Variants in MATK observed in about 807,000 individuals in gnomAD.
The protein encoded by MATK is megakaryocyte-associated tyrosine kinase, also known as megakaryocyte-associated tyrosine-protein kinase.
MATK carries 41 observed loss-of-function variants against 59.8 expected under a neutral mutation model. The observed-to-expected ratio is 0.69, with a 90% CI of 0.53 to 0.89. The LOEUF (loss-of-function observed/expected upper bound fraction) is 0.89, where lower values mean the gene tolerates loss of function less well. Among genes scored for constraint, MATK ranks in the 40% least tolerant of loss-of-function variants. The pLI is 0.00. For synonymous variants in MATK, 308 were observed against 306.1 expected (o/e 1.01, Z -0.06); for missense variants, 593 against 719.6 (o/e 0.82, Z 2.01).
rs150452135 is a variant in MATK, at chr19:3,779,608, T to C, written c.852A>G (p.Gln284=). The C allele has an allele frequency of 7.2e-5, 116 of 1,612,024 alleles. 1 individual carries two copies. In the African/African-American group the frequency reaches 1.3e-3, roughly 18 times the overall value. The part of the protein sequence containing the change: ...LDETAVMTKM[Q]HENLVRLLGV... ...CCAGGAGACGCACCAGGTTCTCGTG[T>C]TGCATCTTCCTGGGGGCGGTGGGGT... is the stretch of plus-strand genomic sequence containing the variant. The change falls in exon 10 of 14, where the codon CAA becomes CAG. Residue 284 remains glutamine, a synonymous_variant. Coordinates refer to ENST00000310132, the MANE Select transcript of MATK (RefSeq NM_139355.3).
At chr19:3,784,549 T>A in intron 3 of MATK, 98 bp from the exon 4 acceptor site, 1 of 811,778 alleles carries the variant, frequency 1.2e-6, no homozygotes, top group Non-Finnish European at 1.9e-6. Flanking sequence ...GAGAAAGGTA[T>A]AGAGATTGGA....
Position 3,778,308 on chromosome 19 carries a change from G to T in MATK, c.1399C>A (p.Arg467Ser). 1.3e-6 allele frequency: 2 copies of T among 1,575,418 alleles called. No homozygotes were observed. The highest frequency in any genetic ancestry group is 1.4e-5 in the African/African-American group (1 of 72,918). The change falls in exon 14 of 14, where the codon CGC becomes AGC. Residue 467 changes from arginine to serine, a missense_variant. Physicochemically the swap from Arg to Ser is moderately radical, Grantham distance 110. Coordinates refer to ENST00000310132, the MANE Select transcript of MATK (RefSeq NM_139355.3). ...GCCAGTTTGCGGAAGGGTGGCCGGC[G>T]GGCGGGCTCTGCCTCCCAGCAGCTG... Reference protein sequence around the residue: ...MSSCWEAEPARRPPFRKLAEK... With the variant: ...MSSCWEAEPASRPPFRKLAEK...
At chr19:3,799,602 G>A (rs1197796964) in intron 1 of MATK, among the ~76,000 whole-genome samples, 2 of 152,198 alleles carry the variant, frequency 1.3e-5, no homozygotes, top group African/African-American at 2.4e-5. Context: ...CACTTTGGGA[G>A]GCTGAGGCAG....
upstream of MATK, among the ~76,000 whole-genome samples, chr19:3,788,144 T>A (rs1234488657): frequency 3.6e-5 from 5 of 139,400 alleles, no homozygotes; most frequent in African/African-American, 1.1e-4. Context: ...TATATTATAT[T>A]ATATACCTGG....
Position 3,786,111 on chromosome 19 carries a change from G to C in MATK, c.-152+58C>G. ...GGCCCACCCCCGCCTAGAGCCCTCG[G>C]GGTTTCCCCCCACCCCGGCCTCGGG... On this transcript the variant is annotated intron_variant, in intron 1 of 13. Coordinates refer to ENST00000310132, the MANE Select transcript of MATK (RefSeq NM_139355.3). The surrounding 1 kb of genome is among the most constrained non-coding windows in gnomAD (Gnocchi z 4.1). 1.3e-6 allele frequency: 1 copy of C among 790,288 alleles called. No individual in the cohort carries two copies. Among genetic ancestry groups the C allele is most frequent in the Non-Finnish European group, 1.5e-6 (1 of 651,460 alleles). 49.0% of individuals were successfully genotyped at this position (790,288 alleles called of 1,614,324 possible).
chr19:3,783,257 G>A (rs192061751), intron 6 of MATK, 38 bp from the exon 7 acceptor site: 454 of 1,494,220 alleles, frequency 3.0e-4, no homozygotes, highest in Middle Eastern at 6.9e-4. Flanking sequence ...CCAGCCCCAG[G>A]GAGGGGAACC....
At chr19:3,792,864 G>T (rs1276123174) in intron 1 of MATK, among the ~76,000 whole-genome samples, 1 of 152,188 alleles carries the variant, frequency 6.6e-6, no homozygotes, top group African/African-American at 2.4e-5. Flanking sequence ...GGGTGGGGAG[G>T]CCACTGCAGC....
intron 1 of MATK, among the ~76,000 whole-genome samples, chr19:3,796,727 GTGTGGGTCTCCC>G (rs1269617635): frequency 5.9e-5 from 9 of 152,194 alleles, no homozygotes; most frequent in African/African-American, 2.2e-4. Flanking sequence ...TGTTTCTTGG[GTGTGGGTCTCCC>G]TGTTTCTTGG....
chr19:3,795,023 G>C (rs1330312832), intron 1 of MATK, among the ~76,000 whole-genome samples: 5 of 144,566 alleles, frequency 3.5e-5, no homozygotes, highest in Non-Finnish European at 7.5e-5. Context: ...TGTTGCCCAG[G>C]CTGGAGTGCA....
chr19:3,784,222 G>A lies in MATK; in HGVS notation c.264C>T (p.Arg88=). The change falls in exon 5 of 14, where the codon CGC becomes CGT. Residue 88 remains arginine, a synonymous_variant. Coordinates refer to ENST00000310132, the MANE Select transcript of MATK (RefSeq NM_139355.3). ...CCTGTCCACTGGTGTGGTGCTTGAC[G>A]CGGTACCAGCTCTTGTTCTGCCAGG... ...LEACENKSWY[R]VKHHTSGQEG... 6.2e-7 allele frequency: 1 copy of A among 1,612,982 alleles called. No homozygotes were observed. The highest frequency in any genetic ancestry group is 8.5e-7 in the Non-Finnish European group (1 of 1,179,334).
upstream of MATK, among the ~76,000 whole-genome samples, chr19:3,788,049 C>T (rs78696666): frequency 0.041 from 6,169 of 149,282 alleles, 454 homozygotes; most frequent in African/African-American, 0.14. Context: ...ACGTGCACAC[C>T]ATGGTGCCTG....
At chr19:3,779,959 G>A (rs1306237608) in intron 8 of MATK, among the ~76,000 whole-genome samples, 162 bp from the exon 9 acceptor site, 1 of 152,132 alleles carries the variant, frequency 6.6e-6, no homozygotes, top group African/African-American at 2.4e-5. Context: ...CACCCCTGCC[G>A]CCCTTGCAAG....
rs2037457115 is a variant in MATK at position 3,784,828 on chromosome 19, T to G, written c.129A>C (p.Pro43=). Residue 43 remains proline, a synonymous_variant, in exon 3 of 14, where the codon CCA becomes CCC. Transcript: ENST00000310132. ...WHPPPVSARM[P]TRRWAPGTQC... is the part of the protein sequence containing the mutation. ...GAAGCAGGCTAGACACACTCACCGT[T>G]GGCATCCTGGCTGAGACGGGAGGGG... The G allele has an allele frequency of 6.5e-7, 1 of 1,549,146 alleles. No individual in the cohort carries two copies. Among genetic ancestry groups the G allele is most frequent in the African/African-American group, 1.4e-5 (1 of 72,206 alleles).
intron 1 of MATK, among the ~76,000 whole-genome samples, chr19:3,794,154 A>G (rs961182900): frequency 2.6e-5 from 4 of 152,082 alleles, no homozygotes; most frequent in Non-Finnish European, 4.4e-5. Context: ...CACAGTGGTC[A>G]CCCTTAGTTA....
upstream of MATK, among the ~76,000 whole-genome samples, chr19:3,790,528 C>T (rs2037530705): frequency 6.6e-6 from 1 of 152,220 alleles, no homozygotes; most frequent in Middle Eastern, 3.2e-3. Context: ...CCACTGCCTG[C>T]AGGAGAGAGC....
Position 3,786,109 on chromosome 19 carries a change from C to G in MATK, c.-152+60G>C, listed in dbSNP as rs1358250086. On this transcript the variant is annotated intron_variant, in intron 1 of 13. Coordinates refer to ENST00000310132, the MANE Select transcript of MATK (RefSeq NM_139355.3). The surrounding 1 kb of genome is among the most constrained non-coding windows in gnomAD (Gnocchi z 4.1). ...CGGGCCCACCCCCGCCTAGAGCCCTCGGGGTTTCCCCCCACCCCGGCCTCG... is the reference window on the plus strand; with the variant it reads ...CGGGCCCACCCCCGCCTAGAGCCCTGGGGGTTTCCCCCCACCCCGGCCTCG... 1.3e-6 allele frequency: 1 copy of G among 778,936 alleles called. No individual in the cohort carries two copies. The highest frequency in any genetic ancestry group is 1.6e-6 in the Non-Finnish European group (1 of 640,930). The allele number at this position is 778,936 out of a possible 1,614,324, so 48.3% of individuals were successfully genotyped here. A position where few individuals can be genotyped will look rare whatever the true frequency, so the allele number is the denominator to read the frequency against.
Position 3,778,247 on chromosome 19 carries a change from G to T in MATK, c.1460C>A (p.Ala487Asp). 6.3e-7 allele frequency: 1 copy of T among 1,575,514 alleles called. No individual in the cohort carries two copies. ...GTCCTGCCCTGAGACGGAGGCTGGG[G>T]CACCTGCACTGCGTAGCTCCCGGGC... is the stretch of plus-strand genomic sequence containing the variant. The part of the protein sequence containing the change: ...KLARELRSAG[A>D]PASVSGQDAD... The change falls in exon 14 of 14, where the codon GCC (alanine) becomes GAC (aspartate). Residue 487 changes from alanine (A) to aspartate (D), a missense_variant. By Grantham distance (126) the Ala-to-Asp change is moderately radical. Coordinates refer to ENST00000310132, the MANE Select transcript of MATK (RefSeq NM_139355.3).
At chr19:3,783,757 C>A in intron 6 of MATK, 57 bp downstream of exon 6, 1 of 1,536,160 alleles carries the variant, frequency 6.5e-7, no homozygotes, top group Non-Finnish European at 8.9e-7. Flanking sequence ...GGGGAGTCTC[C>A]GGAGTCCCTG....
At chr19:3,793,235 T>C (rs1367029964) in intron 1 of MATK, 1 of 152,258 alleles carries the variant, frequency 6.6e-6, no homozygotes, top group African/African-American at 2.4e-5. Flanking sequence ...CTTGCAGGTT[T>C]CATCCGTGGA....
Sources: gnomAD v4.1 joint callset for allele counts (sites outside exome capture counted in the v4.1 genomes callset) on GRCh38, gnomAD v4.1.1 for gene constraint, Gnocchi (gnomAD v3.1) non-coding constraint, MANE v1.5 for transcripts, NCBI Gene and HGNC (gene_info 2026-07-23, HGNC 2026-07-21) for gene names.